ASCC1: variants seen among roughly 807,000 people sequenced by gnomAD.
The protein encoded by ASCC1 is ASC-1 complex subunit P50.
ASCC1 carries 35 observed loss-of-function variants against 46.6 expected under a neutral mutation model. The observed-to-expected ratio is 0.75, with a 90% CI of 0.57 to 0.99. The LOEUF (loss-of-function observed/expected upper bound fraction) is 0.99. ASCC1 is among the 50% of genes least tolerant of loss of function. The pLI is 0.00. For missense variants in ASCC1, 376 were observed against 428.7 expected (o/e 0.88, Z 1.09); for synonymous variants, 143 against 146.6 (o/e 0.98, Z 0.18).
chr10:72,105,996 C>T (rs1842303491), intron 9 of ASCC1, among the ~76,000 whole-genome samples: 1 of 152,006 alleles, frequency 6.6e-6, no homozygotes. Flanking sequence ...ATGGCCAGTC[C>T]GCAACAGCAC....
intron 9 of ASCC1, among the ~76,000 whole-genome samples, chr10:72,110,554 C>T (rs1028500410): frequency 6.6e-6 from 1 of 152,142 alleles, no homozygotes; most frequent in Non-Finnish European, 1.5e-5. Context: ...TTTGGGAGGC[C>T]GAGGTGGGTG....
At position 72,194,921 on chromosome 10, in the gene ASCC1, T is replaced by C. The variant is rs186810428; in HGVS notation, c.489+1890A>G. Among the ~76,000 whole-genome samples, 808 of 152,056 alleles carry C rather than the reference T, an allele frequency of 5.3e-3. 4 individuals are homozygous for C. The highest frequency in any genetic ancestry group is 9.1e-3 in the Non-Finnish European group (620 of 67,982). ...CCAGGCCCGGATAATTTTGTATTTT[T>C]AGTAGAGACGGGGTTTCTCCATGTT... On this transcript the variant is annotated intron_variant, in intron 5 of 9. Coordinates refer to ENST00000672957, the MANE Select transcript of ASCC1 (RefSeq NM_001198800.3).
At chr10:72,165,304 C>T (rs574938152) in intron 5 of ASCC1, among the ~76,000 whole-genome samples, 8 of 152,186 alleles carry the variant, frequency 5.3e-5, no homozygotes, top group East Asian at 1.9e-4. Flanking sequence ...TTAGTAGAGA[C>T]GGGGTTTCTC....
In ASCC1 at chr10:72,204,305, A is replaced by G; in HGVS notation, c.213-781T>C. On this transcript the variant is annotated intron_variant, in intron 3 of 9. Coordinates refer to ENST00000672957, the MANE Select transcript of ASCC1 (RefSeq NM_001198800.3). ...AATAGAAAAATTAGAATATCTGAGG[A>G]CTCATGGCAACAGCGAGCTACAGCC... 5.4e-6 allele frequency: 6 copies of G among 1,112,498 alleles called. No homozygotes were observed. The South Asian group carries it at 9.1e-5, about 17-fold the overall frequency. 68.9% of individuals were successfully genotyped at this position (1,112,498 alleles called of 1,614,324 possible).
chr10:72,166,882 T>C (rs1850410880), intron 5 of ASCC1, among the ~76,000 whole-genome samples: 1 of 152,044 alleles, frequency 6.6e-6, no homozygotes, highest in Non-Finnish European at 1.5e-5. Context: ...AAAACCAAAA[T>C]GAGATATCAC....
Position 72,213,274 on chromosome 10 carries a change from T to A in ASCC1, c.25A>T (p.Ile9Leu). 3.7e-6 allele frequency: 6 copies of A among 1,613,878 alleles called. No individual in the cohort carries two copies. Among genetic ancestry groups the A allele is most frequent in the Non-Finnish European group, 5.1e-6 (6 of 1,179,810 alleles). ...CTGTAATTCCGGCCATCAATTCTTATAAGCTGTGGACGCAGAACTTCCATG... is the reference window on the plus strand; with the variant it reads ...CTGTAATTCCGGCCATCAATTCTTAAAAGCTGTGGACGCAGAACTTCCATG... MEVLRPQLIRIDGRNYRKN... is the reference protein window; with the variant it reads MEVLRPQLLRIDGRNYRKN... The change falls in exon 2 of 10, where the codon ATA becomes TTA. Residue 9 changes from isoleucine (I) to leucine (L), a missense_variant. Physicochemically the swap from Ile to Leu is conservative, Grantham distance 5. Coordinates refer to ENST00000672957, the MANE Select transcript of ASCC1 (RefSeq NM_001198800.3).
chr10:72,102,445 T>G (rs1302567278), intron 9 of ASCC1: 1 of 1,508,176 alleles, frequency 6.6e-7, no homozygotes, highest in Non-Finnish European at 9.0e-7. Flanking sequence ...CAGATCACTA[T>G]AAAAGGCTTT....
At chr10:72,139,154 C>A (rs1240265996) in intron 7 of ASCC1, among the ~76,000 whole-genome samples, 1 of 145,194 alleles carries the variant, frequency 6.9e-6, no homozygotes, top group Non-Finnish European at 1.5e-5. Context: ...CACTCTGTTG[C>A]CCAGTCTGGA....
At chr10:72,168,422 A>G (rs181830636) in intron 5 of ASCC1, among the ~76,000 whole-genome samples, 2,260 of 152,288 alleles carry the variant, frequency 0.015, 61 homozygotes, top group African/African-American at 0.051. Flanking sequence ...GCTTCACAAT[A>G]CACTCTGTTG....
chr10:72,190,355 G>T, intron 5 of ASCC1: 1 of 1,373,882 alleles, frequency 7.3e-7, no homozygotes, highest in Non-Finnish European at 1.0e-6. Flanking sequence ...ATTTTTTGAG[G>T]TTATCCTCAT....
In ASCC1 at chr10:72,154,528, G is replaced by A. The variant is rs185657336; in HGVS notation, c.627-1540C>T. ...TTTTTTTGAGACAGGGCCACACTCT[G>A]TCACCCAGGCTAGAGTGCAGTGGCG... On this transcript the variant is annotated intron_variant, in intron 6 of 9. Transcript: ENST00000672957. 8.8e-4 allele frequency among the ~76,000 whole-genome samples: 130 copies of A among 147,452 alleles called. 2 individuals are homozygous for A. The highest frequency in any genetic ancestry group is 3.2e-3 in the African/African-American group (126 of 39,804).
chr10:72,123,789 G>C (rs1442803037), intron 9 of ASCC1, among the ~76,000 whole-genome samples: 2 of 152,102 alleles, frequency 1.3e-5, no homozygotes, highest in East Asian at 1.9e-4. Context: ...CGTTCCCTTA[G>C]GACAGACTGA....
chr10:72,177,017 G>A (rs1376916604), intron 5 of ASCC1, among the ~76,000 whole-genome samples: 1 of 151,920 alleles, frequency 6.6e-6, no homozygotes. Context: ...TCTGGAAGAA[G>A]TCTATTTCCC....
chr10:72,102,445 T>TA, intron 9 of ASCC1: 4 of 1,508,058 alleles, frequency 2.7e-6, no homozygotes, highest in Non-Finnish European at 3.6e-6. Context: ...CAGATCACTA[T>TA]AAAAGGCTTT....
At chr10:72,133,738 T>G (rs1220671111) in intron 7 of ASCC1, 1 of 172,268 alleles carries the variant, frequency 5.8e-6, no homozygotes, top group Non-Finnish European at 1.2e-5. Flanking sequence ...GATGTCCATT[T>G]TTGAAAGCTG....
chr10:72,096,782 A>G lies in ASCC1; in HGVS notation c.*552T>C, dbSNP rs1354876022. On this transcript the variant is annotated 3_prime_UTR_variant, in exon 10 of 10. Transcript: ENST00000672957. ...CACAACATGGATGAACCTTGAGGAC[A>G]TTATGCTAAGTGAAATAAGCCAGTC... The G allele has an allele frequency of 8.8e-6, 4 of 454,152 alleles. No individual in the cohort carries two copies. Among genetic ancestry groups the G allele is most frequent in the Non-Finnish European group, 1.8e-5 (4 of 226,792 alleles). The allele number at this position is 454,152 out of a possible 1,614,324, so 28.1% of individuals were successfully genotyped here.
chr10:72,208,570 GC>G (rs1857560937), intron 3 of ASCC1, among the ~76,000 whole-genome samples: 1 of 152,068 alleles, frequency 6.6e-6, no homozygotes, highest in African/African-American at 2.4e-5. Context: ...GACCAGCCTG[GC>G]CAACATGGTA....
At chr10:72,180,171 C>G (rs1852390972) in intron 5 of ASCC1, among the ~76,000 whole-genome samples, 1 of 151,934 alleles carries the variant, frequency 6.6e-6, no homozygotes, top group Admixed American at 6.6e-5. Context: ...TCCAGCTAAC[C>G]AGGAGGCTGA....
intron 5 of ASCC1, among the ~76,000 whole-genome samples, chr10:72,162,396 C>A (rs1216322509): frequency 6.6e-6 from 1 of 152,012 alleles, no homozygotes; most frequent in Non-Finnish European, 1.5e-5. Flanking sequence ...TGGTCTCAAT[C>A]TCCTGACCTC....
Sources: gnomAD v4.1 joint callset for allele counts (sites outside exome capture counted in the v4.1 genomes callset) on GRCh38, gnomAD v4.1.1 for gene constraint, MANE v1.5 for transcripts, NCBI Gene and HGNC (gene_info 2026-07-23, HGNC 2026-07-21) for gene names.